Variants in ITM2B observed in about 807,000 individuals in gnomAD.
The protein encoded by ITM2B is ABri/ADan amyloid peptide.
Under a neutral mutation model 27.8 loss-of-function variants are expected in ITM2B, and 11 were observed. The observed-to-expected ratio is 0.40, with a 90% confidence interval of 0.25 to 0.66. ITM2B has a LOEUF of 0.66. ITM2B is among the 30% of genes least tolerant of loss of function. The pLI, the probability that ITM2B is intolerant of heterozygous loss-of-function variation, is 0.43. For missense variants in ITM2B, 296 were observed against 328.9 expected (o/e 0.90, Z 0.77); for synonymous variants, 114 against 114.3 (o/e 1.00, Z 0.02).
At chr13:48,233,504 C>T (rs1335017631) in intron 1 of ITM2B, 27 bp downstream of exon 1, 7 of 1,456,436 alleles carry the variant, frequency 4.8e-6, no homozygotes, top group East Asian at 2.8e-5. Flanking sequence ...GTCGAGGAAG[C>T]GGGTGCTGGG....
chr13:48,234,986 CAAAT>C (rs1182041046), intron 1 of ITM2B, among the ~76,000 whole-genome samples: 1 of 150,918 alleles, frequency 6.6e-6, no homozygotes, highest in African/African-American at 2.5e-5. Context: ...ACAACAGTCT[CAAAT>C]ATATGTAGTC....
Position 48,258,192 on chromosome 13 carries a change from G to A in ITM2B, c.520G>A (p.Val174Ile), listed in dbSNP as rs146286944. The A allele has an allele frequency of 1.2e-6, 2 of 1,603,898 alleles. No homozygotes were observed. The highest frequency in any genetic ancestry group is 2.7e-5 in the African/African-American group (2 of 74,650). The change falls in exon 4 of 6, where the codon GTT becomes ATT. Residue 174 changes from valine (V) to isoleucine (I), a missense_variant. Val to Ile is a conservative substitution (Grantham distance 29). Transcript: ENST00000647800. ...CYVIPLNTSI[V>I]MPPRNLLELL... ...TGTGATCCCTCTGAACACTTCCATTGTTATGCCACCCAGAAACCTACTGGA... is the reference window on the plus strand; with the variant it reads ...TGTGATCCCTCTGAACACTTCCATTATTATGCCACCCAGAAACCTACTGGA...
At position 48,253,873 on chromosome 13, in the gene ITM2B, A is replaced by G; in HGVS notation, c.183A>G (p.Leu61=). The change falls in exon 2 of 6, where the codon CTA becomes CTG. Residue 61 remains leucine (L), a synonymous_variant. Transcript: ENST00000647800. ...GGTGTTGGTGCATGTGCTTTGGACT[A>G]GCATTTATGCTTGCAGGTGTTATTC... ...RAWCWCMCFG[L]AFMLAGVILG... 1.9e-6 allele frequency: 3 copies of G among 1,613,728 alleles called. No individual in the cohort carries two copies. The highest frequency in any genetic ancestry group is 2.2e-5 in the South Asian group (2 of 91,072).
chr13:48,236,995 T>C (rs1290780553), intron 1 of ITM2B, among the ~76,000 whole-genome samples: 1 of 152,200 alleles, frequency 6.6e-6, no homozygotes, highest in Non-Finnish European at 1.5e-5. Flanking sequence ...AGTAAAAGTT[T>C]TGAGTTACCC....
intron 1 of ITM2B, among the ~76,000 whole-genome samples, chr13:48,238,960 G>A (rs2137979058): frequency 6.6e-6 from 1 of 152,182 alleles, no homozygotes; most frequent in South Asian, 2.1e-4. Context: ...TAAAGCTTAA[G>A]TCTTAACTAT....
At chr13:48,242,942 A>G (rs545424564) in intron 1 of ITM2B, among the ~76,000 whole-genome samples, 109 of 152,332 alleles carry the variant, frequency 7.2e-4, no homozygotes, top group South Asian at 1.7e-3. Flanking sequence ...GAAGTAAACA[A>G]ACATTTCACT....
At chr13:48,248,649 G>A (rs1008129226) in intron 1 of ITM2B, among the ~76,000 whole-genome samples, 1 of 152,022 alleles carries the variant, frequency 6.6e-6, no homozygotes, top group African/African-American at 2.4e-5. Flanking sequence ...GGGCCACATT[G>A]GAAGAAGAAT....
chr13:48,256,513 G>A (rs1005398400), intron 3 of ITM2B, 130 bp downstream of exon 3: 6 of 762,316 alleles, frequency 7.9e-6, no homozygotes. Flanking sequence ...GCATTTGGTG[G>A]GCTCTGCTAT....
Position 48,258,254 on chromosome 13 carries a change from GT to G in ITM2B, c.564+23del. The G allele has an allele frequency of 8.3e-7, 1 of 1,200,946 alleles. No individual in the cohort carries two copies. The allele number at this position is 1,200,946 out of a possible 1,614,324, so 74.4% of individuals were successfully genotyped here. A position where few individuals can be genotyped will look rare whatever the true frequency, so the allele number is the denominator to read the frequency against. ...ACATCAAGGTATAAGAATGTTGACT[GT>G]TTTTGATGAATGATGCCTTCATAGT... On this transcript the variant is annotated intron_variant, in intron 4 of 5. Transcript: ENST00000647800.
intron 1 of ITM2B, among the ~76,000 whole-genome samples, chr13:48,247,987 T>A (rs1951733442): frequency 6.6e-6 from 1 of 152,130 alleles, no homozygotes; most frequent in African/African-American, 2.4e-5. Flanking sequence ...TGCACCAGTT[T>A]TATTGCAGTA....
intron 1 of ITM2B, among the ~76,000 whole-genome samples, chr13:48,240,056 A>G (rs1001885759): frequency 2.0e-5 from 3 of 152,196 alleles, no homozygotes; most frequent in African/African-American, 4.8e-5. Flanking sequence ...TTTTGTCTCT[A>G]TCACTTACTT....
intron 1 of ITM2B, among the ~76,000 whole-genome samples, chr13:48,253,054 A>C (rs959042527): frequency 1.3e-5 from 2 of 152,158 alleles, no homozygotes; most frequent in African/African-American, 4.8e-5. Flanking sequence ...AATTTTATAA[A>C]ATTCTGTGCT....
intron 1 of ITM2B, among the ~76,000 whole-genome samples, chr13:48,238,465 T>C (rs1951681363): frequency 6.6e-6 from 1 of 152,190 alleles, no homozygotes; most frequent in East Asian, 1.9e-4. Context: ...TCTTGAGTTG[T>C]AGCGATGAGG....
chr13:48,250,088 CA>C (rs1392440031), intron 1 of ITM2B, among the ~76,000 whole-genome samples: 7 of 152,140 alleles, frequency 4.6e-5, no homozygotes, highest in Admixed American at 4.6e-4. Flanking sequence ...ATAAATCGCT[CA>C]AAGTAGGAGC....
rs1951840125 is a variant in ITM2B at position 48,264,277 on chromosome 13, A to G, written c.*3053A>G. Reference sequence around the variant, plus strand: ...CACTGATCTTGTTTTGTAATGTGTAATTGTTCACTTCTGCTTTCCCTGTAT... The same window carrying G: ...CACTGATCTTGTTTTGTAATGTGTAGTTGTTCACTTCTGCTTTCCCTGTAT... On this transcript the variant is annotated 3_prime_UTR_variant, in exon 6 of 6. Transcript: ENST00000647800. 6.6e-6 allele frequency: 1 copy of G among 152,098 alleles called. No individual in the cohort carries two copies. The highest frequency in any genetic ancestry group is 1.5e-5 in the Non-Finnish European group (1 of 67,998). 9.4% of individuals were successfully genotyped at this position (152,098 alleles called of 1,614,324 possible).
rs1246166580 is a variant in ITM2B, at chr13:48,263,818, C to G, written c.*2594C>G. 1 of 152,124 alleles carries G rather than the reference C, an allele frequency of 6.6e-6. No individual in the cohort carries two copies. The highest frequency in any genetic ancestry group is 2.4e-5 in the African/African-American group (1 of 41,424). 9.4% of individuals were successfully genotyped at this position (152,124 alleles called of 1,614,324 possible). ...TAGTTCCATTCATGGGGGTTCCACT[C>G]TCATGACCTAACACCTCTCAAAGGC... On this transcript the variant is annotated 3_prime_UTR_variant, in exon 6 of 6. Transcript: ENST00000647800.
chr13:48,233,621 T>C, intron 1 of ITM2B, 144 bp downstream of exon 1: 1 of 502,914 alleles, frequency 2.0e-6, no homozygotes, highest in Non-Finnish European at 3.5e-6. Flanking sequence ...GGCGCTCCCG[T>C]TTCCTGTGGG....
intron 1 of ITM2B, among the ~76,000 whole-genome samples, chr13:48,251,528 A>C (rs1210497155): frequency 1.3e-5 from 2 of 152,210 alleles, no homozygotes; most frequent in Non-Finnish European, 2.9e-5. Flanking sequence ...TTTATAATTT[A>C]TTCTCAAAAT....
chr13:48,237,299 T>G (rs1951673741), intron 1 of ITM2B, among the ~76,000 whole-genome samples: 1 of 152,206 alleles, frequency 6.6e-6, no homozygotes, highest in Admixed American at 6.5e-5. Flanking sequence ...ACTTTTACAT[T>G]ACATTTTGGT....
Sources: gnomAD v4.1 joint callset for allele counts (sites outside exome capture counted in the v4.1 genomes callset) on GRCh38, gnomAD v4.1.1 for gene constraint, MANE v1.5 for transcripts, NCBI Gene and HGNC (gene_info 2026-07-23, HGNC 2026-07-21) for gene names.